CDC42BPB: variants seen among roughly 807,000 people sequenced by gnomAD.
CDC42BPB encodes CDC42 binding protein kinase beta, also known as serine/threonine-protein kinase MRCK beta.
Under a neutral mutation model 214.9 loss-of-function variants are expected in CDC42BPB, and 37 were observed. That is an observed-to-expected ratio of 0.17 (90% CI 0.13 to 0.23). CDC42BPB has a LOEUF of 0.23. CDC42BPB is among the 10% of genes least tolerant of loss of function. The probability of loss-of-function intolerance (pLI) is 1.00; values close to 1 mark genes in which losing one functional copy is unlikely to be tolerated. For synonymous variants in CDC42BPB, 931 were observed against 884.0 expected (o/e 1.05, Z -0.94); for missense variants, 1,694 against 2,227.0 (o/e 0.76, Z 4.82).
intron 30 of CDC42BPB, among the ~76,000 whole-genome samples, chr14:102,942,991 C>A (rs1891968593): frequency 6.6e-6 from 1 of 152,326 alleles, no homozygotes; most frequent in Admixed American, 6.5e-5. Flanking sequence ...GCCTCAGCCT[C>A]CTGAGTAGCT....
In CDC42BPB at chr14:102,952,518, C is replaced by G. The variant is rs755257364; in HGVS notation, c.3152G>C (p.Arg1051Pro). The change falls in exon 24 of 37, where the codon CGG (arginine) becomes CCG (proline). Residue 1051 changes from arginine (R) to proline (P), a missense_variant. This residue lies in a region of CDC42BPB where 567 missense variants were observed against 790.3 expected (regional missense o/e 0.72). Transcript: ENST00000361246. Reference protein sequence around the residue: ...HCTSLMVGLIRQGYACEVCSF... With the variant: ...HCTSLMVGLIPQGYACEVCSF... ...CTCACCCTCGCAGGCGTAGCCCTGC[C>G]GGATCAGCCCAACCATCAGGGAGGT... is the stretch of plus-strand genomic sequence containing the variant. The G allele has an allele frequency of 6.2e-7, 1 of 1,612,312 alleles. No individual in the cohort carries two copies. Among genetic ancestry groups the G allele is most frequent in the East Asian group, 2.2e-5 (1 of 44,848 alleles).
At chr14:103,040,258 G>C (rs1049277410) in intron 1 of CDC42BPB, among the ~76,000 whole-genome samples, 10 of 151,954 alleles carry the variant, frequency 6.6e-5, no homozygotes, top group Non-Finnish European at 4.4e-5. Context: ...GGGAGGCTGA[G>C]GCAGGAGAAT....
chr14:102,947,818 C>T lies in CDC42BPB; in HGVS notation c.3450-16G>A, dbSNP rs893906239. On this transcript the variant is annotated splice_polypyrimidine_tract_variant and intron_variant, in intron 26 of 36. Transcript: ENST00000361246. Reference sequence around the variant, plus strand: ...CTCGTCATCTCTGGTAAGGAAGAAACATTGACCCCGCTGGGAGACACGCGC... The same window carrying T: ...CTCGTCATCTCTGGTAAGGAAGAAATATTGACCCCGCTGGGAGACACGCGC... The T allele has an allele frequency of 6.2e-7, 1 of 1,612,270 alleles. No homozygotes were observed. Among genetic ancestry groups the T allele is most frequent in the Non-Finnish European group, 8.5e-7 (1 of 1,179,730 alleles).
intron 12 of CDC42BPB, among the ~76,000 whole-genome samples, chr14:102,973,546 G>C (rs1486696856): frequency 6.6e-6 from 1 of 152,180 alleles, no homozygotes; most frequent in Non-Finnish European, 1.5e-5. Context: ...TAAGAGCAGA[G>C]GCCTGGTGGA....
At chr14:103,029,318 G>A (rs1006804464) in intron 1 of CDC42BPB, among the ~76,000 whole-genome samples, 5 of 152,154 alleles carry the variant, frequency 3.3e-5, no homozygotes, top group African/African-American at 1.2e-4. Context: ...GAGGTGGGTG[G>A]ATCACGAGGT....
At position 102,954,813 on chromosome 14, in the gene CDC42BPB, C is replaced by T. The variant is rs1892644307; in HGVS notation, c.2902-125G>A. 23 of 1,456,970 alleles carry T rather than the reference C, an allele frequency of 1.6e-5. 1 individual carries two copies. Among genetic ancestry groups the T allele is most frequent in the Non-Finnish European group, 2.0e-5 (22 of 1,099,556 alleles). 90.3% of individuals were successfully genotyped at this position (1,456,970 alleles called of 1,614,324 possible). On this transcript the variant is annotated intron_variant, in intron 21 of 36. Coordinates refer to ENST00000361246, the MANE Select transcript of CDC42BPB (RefSeq NM_006035.4). Reference sequence around the variant, plus strand: ...AGCCCAGAAGTCCCAGCGGTTCTTACTCCTGGATCCTATCACCCCTTGGGT... The same window carrying T: ...AGCCCAGAAGTCCCAGCGGTTCTTATTCCTGGATCCTATCACCCCTTGGGT...
chr14:103,002,613 G>A (rs895462901), intron 4 of CDC42BPB, among the ~76,000 whole-genome samples: 18 of 151,106 alleles, frequency 1.2e-4, no homozygotes, highest in Non-Finnish European at 1.6e-4. Flanking sequence ...AGCAGGAAGC[G>A]GGGGGGTTTA....
chr14:102,936,299 T>C (rs1176768068), intron 36 of CDC42BPB, among the ~76,000 whole-genome samples: 3 of 152,160 alleles, frequency 2.0e-5, no homozygotes, highest in Non-Finnish European at 4.4e-5. Context: ...TGCACACACG[T>C]GTTCACAGCA....
intron 1 of CDC42BPB, among the ~76,000 whole-genome samples, chr14:103,013,216 G>A (rs577419073): frequency 1.3e-5 from 2 of 152,308 alleles, no homozygotes; most frequent in East Asian, 3.9e-4. Flanking sequence ...CTGCCTGCAC[G>A]CAGGAGCCAC....
rs553711408 is a variant in CDC42BPB, at chr14:103,045,596, A to G, written c.175+11403T>C. Among the ~76,000 whole-genome samples, 22 of 152,174 alleles carry G rather than the reference A, an allele frequency of 1.4e-4. 1 individual carries two copies. The South Asian group carries it at 4.1e-3, about 29-fold the overall frequency. On this transcript the variant is annotated intron_variant, in intron 1 of 36. Transcript: ENST00000361246. ...TCATAACCCCCTTCTCCTCTCCTCC[A>G]ATGCTTGTACAGCCACGAGAGAAAA...
chr14:102,950,027 G>T (rs1892412393), intron 25 of CDC42BPB, 123 bp from the exon 26 acceptor site: 1 of 1,511,282 alleles, frequency 6.6e-7, no homozygotes, highest in South Asian at 1.3e-5. Context: ...TGGACAGAGG[G>T]ATGTTTGCCC....
intron 19 of CDC42BPB, chr14:102,963,409 T>G (rs1893046278): frequency 3.3e-5 from 13 of 398,296 alleles, no homozygotes; most frequent in Non-Finnish European, 4.4e-5. Flanking sequence ...ATGGAGCTCT[T>G]GACCTTCCTA....
chr14:102,971,806 A>G (rs1893484256), intron 13 of CDC42BPB, 113 bp downstream of exon 13: 1 of 1,069,998 alleles, frequency 9.3e-7, no homozygotes, highest in South Asian at 1.5e-5. Flanking sequence ...ACTTGGCTCC[A>G]CAGAAAATTT....
intron 1 of CDC42BPB, among the ~76,000 whole-genome samples, chr14:103,014,443 T>C (rs1218652262): frequency 2.0e-5 from 3 of 152,214 alleles, no homozygotes; most frequent in Non-Finnish European, 4.4e-5. Flanking sequence ...TACAGTTTTA[T>C]GAAAGGTGCC....
At chr14:103,008,324 A>G (rs1885963951) in intron 3 of CDC42BPB, 148 bp downstream of exon 3, 4 of 596,408 alleles carry the variant, frequency 6.7e-6, no homozygotes, top group Admixed American at 6.0e-5. Context: ...GGAGACTGAG[A>G]CCTCCTCAAA....
At chr14:102,970,611 C>T (rs902457633) in intron 13 of CDC42BPB, among the ~76,000 whole-genome samples, 3 of 152,112 alleles carry the variant, frequency 2.0e-5, no homozygotes, top group Non-Finnish European at 2.9e-5. Flanking sequence ...AACACGCACA[C>T]GAAGAACGAG....
intron 21 of CDC42BPB, among the ~76,000 whole-genome samples, chr14:102,956,653 G>C (rs1364126311): frequency 6.6e-6 from 1 of 151,970 alleles, no homozygotes; most frequent in African/African-American, 2.4e-5. Context: ...AATATAGCAA[G>C]AATCCATCTC....
chr14:102,937,489 C>A (rs1891692606), intron 36 of CDC42BPB, among the ~76,000 whole-genome samples: 1 of 152,230 alleles, frequency 6.6e-6, no homozygotes. Flanking sequence ...GAGCATGGCC[C>A]CTCCGCCTGC....
chr14:102,999,771 C>CA, intron 4 of CDC42BPB, 58 bp from the exon 5 acceptor site: 1 of 1,600,444 alleles, frequency 6.2e-7, no homozygotes, highest in Non-Finnish European at 8.5e-7. Flanking sequence ...CTAAACCTGA[C>CA]AGTTACAGGC....
Sources: allele counts gnomAD v4.1 joint callset (sites outside exome capture counted in the v4.1 genomes callset), GRCh38; gene constraint gnomAD v4.1.1; regional missense constraint gnomAD v4.1.1; transcripts MANE v1.5; gene names NCBI Gene and HGNC (gene_info 2026-07-23, HGNC 2026-07-21).